CCDC32: variants seen among roughly 807,000 people sequenced by gnomAD.
CCDC32 encodes coiled-coil domain containing 32.
In CCDC32, 9 loss-of-function variants were observed where a neutral mutation model predicts 20.1. The observed-to-expected ratio is 0.45, with a 90% CI of 0.27 to 0.78. The LOEUF (loss-of-function observed/expected upper bound fraction) is 0.78, where lower values mean the gene tolerates loss of function less well. Among genes scored for constraint, CCDC32 ranks in the 30% least tolerant of loss-of-function variants. CCDC32 has a pLI of 0.16. For missense variants in CCDC32, 204 were observed against 215.5 expected (o/e 0.95, Z 0.33); for synonymous variants, 63 against 79.0 (o/e 0.80, Z 1.07).
downstream of CCDC32, among the ~76,000 whole-genome samples, chr15:40,532,515 C>G (rs113542465): frequency 3.8e-4 from 58 of 152,228 alleles, no homozygotes; most frequent in African/African-American, 1.2e-3. Context: ...CAGCTGTTCA[C>G]CATGAGCCCA....
chr15:40,563,174 G>A (rs1890773779), intron 1 of CCDC32, 147 bp from the exon 2 acceptor site: 4 of 969,326 alleles, frequency 4.1e-6, no homozygotes, highest in African/African-American at 1.6e-5. Context: ...ACCAGCCTGG[G>A]AAACATGGCA....
intron 2 of CCDC32, among the ~76,000 whole-genome samples, chr15:40,558,212 A>C (rs1030827616): frequency 6.6e-6 from 1 of 152,224 alleles, no homozygotes; most frequent in African/African-American, 2.4e-5. Context: ...GGTGGTGAAC[A>C]TCAAGCTTAG....
intron 2 of CCDC32, among the ~76,000 whole-genome samples, chr15:40,561,626 C>T (rs903086979): frequency 5.3e-5 from 8 of 152,062 alleles, no homozygotes; most frequent in African/African-American, 1.7e-4. Context: ...GATGGGTGCA[C>T]TAAAATCTCA....
rs987254373 is a variant in CCDC32 at position 40,564,998 on chromosome 15, C to T, written c.-35G>A. On this transcript the variant is annotated 5_prime_UTR_variant, in exon 1 of 4. Coordinates refer to ENST00000416810, the MANE Select transcript of CCDC32 (RefSeq NM_001080792.4). ...TACCGTAACAGCTGCCCAGTAAACG[C>T]TTGGCTCAGCTCTGTCGCCTGTAGC... 13 of 597,074 alleles carry T rather than the reference C, an allele frequency of 2.2e-5. No homozygotes were observed. Among genetic ancestry groups the T allele is most frequent in the Middle Eastern group, 8.8e-4 (2 of 2,264 alleles). The allele number at this position is 597,074 out of a possible 1,614,324, so 37.0% of individuals were successfully genotyped here.
At chr15:40,525,857 C>G (rs760154408), downstream of CCDC32, among the ~76,000 whole-genome samples, 24 of 152,216 alleles carry the variant, frequency 1.6e-4, no homozygotes, top group Non-Finnish European at 2.4e-4. Context: ...CCACCCAATG[C>G]CCTGGCCCTT....
chr15:40,552,667 C>T (rs777068840), downstream of CCDC32, among the ~76,000 whole-genome samples: 3 of 144,936 alleles, frequency 2.1e-5, no homozygotes, highest in African/African-American at 7.6e-5. Context: ...TCCAACTACT[C>T]AGGAGGCTGA....
downstream of CCDC32, chr15:40,535,307 G>A: frequency 1.6e-6 from 2 of 1,264,982 alleles, no homozygotes; most frequent in Non-Finnish European, 2.0e-6. Flanking sequence ...TGTAGGTGAT[G>A]AGCCATTATC....
intron 1 of CCDC32, among the ~76,000 whole-genome samples, chr15:40,563,958 C>G (rs1342136315): frequency 1.3e-5 from 2 of 152,028 alleles, no homozygotes. Flanking sequence ...ATAGCTGGGA[C>G]TACAGGCACT....
chr15:40,551,878 C>T (rs1013686317), downstream of CCDC32, among the ~76,000 whole-genome samples: 2 of 150,478 alleles, frequency 1.3e-5, no homozygotes, highest in African/African-American at 4.9e-5. Context: ...AAGGGCCAGG[C>T]ATGGTGACTT....
chr15:40,554,462 CAG>C (rs145326897), intron 3 of CCDC32, among the ~76,000 whole-genome samples: 53,543 of 151,840 alleles, frequency 0.35, 10,329 homozygotes, highest in Non-Finnish European at 0.45. Flanking sequence ...TCACTCAAAA[CAG>C]GAGAGGAGAG....
intron 3 of CCDC32, among the ~76,000 whole-genome samples, chr15:40,554,355 C>A (rs997121500): frequency 6.6e-6 from 1 of 152,166 alleles, no homozygotes; most frequent in Non-Finnish European, 1.5e-5. Context: ...CTACAGGCAG[C>A]AGCAGGCCCC....
rs1890027690 is a variant in CCDC32, at chr15:40,553,760, C to A, written c.*211G>T. 1.5e-6 allele frequency: 2 copies of A among 1,361,848 alleles called. No homozygotes were observed. Among genetic ancestry groups the A allele is most frequent in the Non-Finnish European group, 1.9e-6 (2 of 1,058,120 alleles). The allele number at this position is 1,361,848 out of a possible 1,614,324, so 84.4% of individuals were successfully genotyped here. A position where few individuals can be genotyped will look rare whatever the true frequency, so the allele number is the denominator to read the frequency against. On this transcript the variant is annotated 3_prime_UTR_variant, in exon 4 of 4. Coordinates refer to ENST00000416810, the MANE Select transcript of CCDC32 (RefSeq NM_001080792.4). ...AGTCACTTCATCCGAGACAGTCACA[C>A]ATGCCAGCCCCAGGTAAGTCCCTGG...
chr15:40,562,329 T>C (rs1890696919), intron 2 of CCDC32: 1 of 156,210 alleles, frequency 6.4e-6, no homozygotes, highest in Non-Finnish European at 1.4e-5. Context: ...ATCCCAGCAC[T>C]TTGGGATGCC....
At chr15:40,539,840 C>CCCCACACACACA (rs1338607302) in intron 3 of CCDC32, among the ~76,000 whole-genome samples, 1 of 134,542 alleles carries the variant, frequency 7.4e-6, no homozygotes, top group Non-Finnish European at 1.6e-5. Context: ...CAAACTGTTG[C>CCCCACACACACA]CACACACACA....
chr15:40,530,374 A>C (rs190957689), downstream of CCDC32, among the ~76,000 whole-genome samples: 23 of 150,108 alleles, frequency 1.5e-4, no homozygotes, highest in East Asian at 4.5e-3. Flanking sequence ...CAGATGCCTC[A>C]TGAATGGCTT....
chr15:40,545,816 C>T (rs1889594975), intron 3 of CCDC32, among the ~76,000 whole-genome samples: 1 of 152,078 alleles, frequency 6.6e-6, no homozygotes, highest in South Asian at 2.1e-4. Flanking sequence ...ACTCAGTGAC[C>T]AAGCCTCAGT....
downstream of CCDC32, among the ~76,000 whole-genome samples, chr15:40,527,295 C>T (rs1003894486): frequency 2.0e-5 from 3 of 152,128 alleles, no homozygotes; most frequent in South Asian, 2.1e-4. Flanking sequence ...CTCAGCCTTC[C>T]GAGTAGCTGG....
Position 40,562,989 on chromosome 15 carries a change from A to G in CCDC32, c.27T>C (p.Ser9=). The change falls in exon 2 of 4, where the codon TCT becomes TCC. Residue 9 remains serine, a synonymous_variant. Transcript: ENST00000416810. ...GATCCTGGCCAGATCTTGTGGCTGTAGAGTCAGCGCTCTCAAACATTTTCA... is the reference window on the plus strand; with the variant it reads ...GATCCTGGCCAGATCTTGTGGCTGTGGAGTCAGCGCTCTCAAACATTTTCA... MKMFESAD[S]TATRSGQDLW... is the part of the protein sequence containing the mutation. 2 of 1,614,224 alleles carry G rather than the reference A, an allele frequency of 1.2e-6. No homozygotes were observed. Among genetic ancestry groups the G allele is most frequent in the South Asian group, 1.1e-5 (1 of 91,090 alleles).
intron 2 of CCDC32, chr15:40,561,929 ATC>A (rs1890663670): frequency 1.2e-5 from 1 of 82,088 alleles, no homozygotes; most frequent in Admixed American, 1.8e-4. Flanking sequence ...TGTGTTTGGA[ATC>A]TCTCTAGATA....
Sources: gnomAD v4.1 joint callset for allele counts (sites outside exome capture counted in the v4.1 genomes callset) on GRCh38, gnomAD v4.1.1 for gene constraint, MANE v1.5 for transcripts, NCBI Gene and HGNC (gene_info 2026-07-23, HGNC 2026-07-21) for gene names.